Variants in SAMD4B observed in about 807,000 individuals in gnomAD.
The protein encoded by SAMD4B is protein Smaug homolog 2.
In SAMD4B, 5 loss-of-function variants were observed where a neutral mutation model predicts 74.5. The observed-to-expected ratio is 0.07, with a 90% CI of 0.04 to 0.14. SAMD4B has a LOEUF of 0.14. SAMD4B is among the 10% of genes least tolerant of loss of function. The pLI, the probability that SAMD4B is intolerant of heterozygous loss-of-function variation, is 1.00. For synonymous variants in SAMD4B, 373 were observed against 374.9 expected (o/e 1.00, Z 0.06); for missense variants, 608 against 921.8 (o/e 0.66, Z 4.41).
At chr19:39,354,562 A>C (rs532924653) in intron 2 of SAMD4B, among the ~76,000 whole-genome samples, 3 of 151,682 alleles carry the variant, frequency 2.0e-5, no homozygotes, top group South Asian at 2.1e-4. Context: ...TGTTGTAGGC[A>C]CTGGCTGACT....
At position 39,356,812 on chromosome 19, in the gene SAMD4B, A is replaced by G; in HGVS notation, c.-82A>G. On this transcript the variant is annotated 5_prime_UTR_variant, in exon 3 of 14. Coordinates refer to ENST00000610417, the MANE Select transcript of SAMD4B (RefSeq NM_001384574.2). ...AGCCCTGGCCCTCAGGGGAAAGGTA[A>G]CAGGAGGCCAGAGCCGGGACCATGT... 1.6e-6 allele frequency: 2 copies of G among 1,225,586 alleles called. No homozygotes were observed. Among genetic ancestry groups the G allele is most frequent in the Non-Finnish European group, 2.3e-6 (2 of 888,192 alleles). The allele number at this position is 1,225,586 out of a possible 1,614,324, so 75.9% of individuals were successfully genotyped here. A position where few individuals can be genotyped will look rare whatever the true frequency, so the allele number is the denominator to read the frequency against.
At chr19:39,389,652 T>G, downstream of SAMD4B, 1 of 1,614,140 alleles carries the variant, frequency 6.2e-7, no homozygotes, top group Non-Finnish European at 8.5e-7. The surrounding 1 kb of genome is among the most constrained non-coding windows in gnomAD (Gnocchi z 5.3). Flanking sequence ...TTGGGGTCGA[T>G]GCGGTAGGTG....
At chr19:39,343,306 C>A (rs1418675105) in intron 1 of SAMD4B, among the ~76,000 whole-genome samples, 1 of 151,198 alleles carries the variant, frequency 6.6e-6, no homozygotes, top group East Asian at 1.9e-4. Context: ...GCTCATACCC[C>A]CTGCATTTCT....
At chr19:39,390,684 G>A (rs1464955003), downstream of SAMD4B, 2 of 956,950 alleles carry the variant, frequency 2.1e-6, no homozygotes, top group East Asian at 5.2e-5. Context: ...CTGAATCTCA[G>A]AAGGAACCCG....
At chr19:39,347,909 T>C (rs2075797002) in intron 1 of SAMD4B, among the ~76,000 whole-genome samples, 1 of 152,112 alleles carries the variant, frequency 6.6e-6, no homozygotes, top group Non-Finnish European at 1.5e-5. Context: ...CTGAAATTCA[T>C]GGAATTTATA....
In SAMD4B at chr19:39,383,748, G is replaced by A. The variant is rs1000655322; in HGVS notation, c.*221G>A. The stretch of plus-strand genomic sequence containing the variant: ...TCTGCTGAGGCCCGGGGAGTTGGGG[G>A]CAGCCAGGATAAAGGGGGCAGGGAC... On this transcript the variant is annotated 3_prime_UTR_variant, in exon 14 of 14. Transcript: ENST00000610417. This position sits in a 1 kb window ranked among gnomAD's most constrained non-coding sequence, Gnocchi z 4.1. 1.4e-5 allele frequency: 22 copies of A among 1,525,080 alleles called. No individual in the cohort carries two copies. In the African/African-American group the frequency reaches 2.7e-4, roughly 19 times the overall value. 94.5% of individuals were successfully genotyped at this position (1,525,080 alleles called of 1,614,324 possible). A position where few individuals can be genotyped will look rare whatever the true frequency, so the allele number is the denominator to read the frequency against.
chr19:39,354,612 G>C (rs2076239654), intron 2 of SAMD4B, among the ~76,000 whole-genome samples: 2 of 151,860 alleles, frequency 1.3e-5, no homozygotes, highest in South Asian at 4.1e-4. Flanking sequence ...AAACAAATAA[G>C]ATGATACCTG....
chr19:39,386,720 T>G (rs1267303867), downstream of SAMD4B: 1 of 1,613,992 alleles, frequency 6.2e-7, no homozygotes, highest in South Asian at 1.1e-5. This position sits in a 1 kb window ranked among gnomAD's most constrained non-coding sequence, Gnocchi z 6.1. Flanking sequence ...TTCTCATTCA[T>G]GTCCCGATGT....
intron 3 of SAMD4B, among the ~76,000 whole-genome samples, chr19:39,361,089 C>CT (rs2076618412): frequency 1.3e-5 from 2 of 152,178 alleles, no homozygotes; most frequent in South Asian, 4.1e-4. Flanking sequence ...TGTTCTGGTA[C>CT]TTTCCAGGTA....
At chr19:39,389,892 G>T, downstream of SAMD4B, 1 of 1,316,674 alleles carries the variant, frequency 7.6e-7, no homozygotes, top group Non-Finnish European at 1.1e-6. The surrounding 1 kb of genome is among the most constrained non-coding windows in gnomAD (Gnocchi z 5.3). Flanking sequence ...TCTGAAAGCT[G>T]GCTCCCCAGT....
intron 3 of SAMD4B, among the ~76,000 whole-genome samples, chr19:39,364,715 C>A (rs1341880698): frequency 6.6e-6 from 1 of 152,146 alleles, no homozygotes; most frequent in South Asian, 2.1e-4. Context: ...GTTGGGAGGG[C>A]AGGAAAGACA....
At chr19:39,352,978 C>T (rs2076137954) in intron 1 of SAMD4B, among the ~76,000 whole-genome samples, 1 of 152,204 alleles carries the variant, frequency 6.6e-6, no homozygotes, top group South Asian at 2.1e-4. Flanking sequence ...ATCCCTCCCA[C>T]TCCCGAGGGA....
At chr19:39,390,122 G>A (rs1268987648), downstream of SAMD4B, 2 of 1,614,018 alleles carry the variant, frequency 1.2e-6, no homozygotes, top group African/African-American at 1.3e-5. Flanking sequence ...GGATATCAGG[G>A]AGGCTATTGC....
rs1452980288 is a variant in SAMD4B at position 39,352,366 on chromosome 19, G to T, written c.-266-1640G>T. 3 of 152,090 alleles carry T rather than the reference G, an allele frequency of 2.0e-5. No individual in the cohort carries two copies. The East Asian group carries it at 5.8e-4, about 29-fold the overall frequency. 9.4% of individuals were successfully genotyped at this position (152,090 alleles called of 1,614,324 possible). ...TCTAGTTTGTGCTCTTCTGTTCCAA[G>T]GACCACAGGTATGTCTTCTTCTGTG... On this transcript the variant is annotated intron_variant, in intron 1 of 13. Transcript: ENST00000610417.
At chr19:39,390,369 A>C, downstream of SAMD4B, 2 of 1,334,348 alleles carry the variant, frequency 1.5e-6, no homozygotes, top group Admixed American at 2.1e-5. Context: ...CCAACCTTTC[A>C]AAAGGTAGGA....
In SAMD4B at chr19:39,383,857, A is replaced by T; in HGVS notation, c.*330A>T. Reference sequence around the variant, plus strand: ...CCCTGCCTCCTCCAGACCGCTGACCACCTGCCTCTCCCCAAGGGAGCAGAC... The same window carrying T: ...CCCTGCCTCCTCCAGACCGCTGACCTCCTGCCTCTCCCCAAGGGAGCAGAC... On this transcript the variant is annotated 3_prime_UTR_variant, in exon 14 of 14. Coordinates refer to ENST00000610417, the MANE Select transcript of SAMD4B (RefSeq NM_001384574.2). This position sits in a 1 kb window ranked among gnomAD's most constrained non-coding sequence, Gnocchi z 4.1. 2.7e-6 allele frequency: 2 copies of T among 735,922 alleles called. No individual in the cohort carries two copies. Among genetic ancestry groups the T allele is most frequent in the Non-Finnish European group, 4.4e-6 (2 of 452,710 alleles). The allele number at this position is 735,922 out of a possible 1,614,324, so 45.6% of individuals were successfully genotyped here.
chr19:39,386,459 G>A (rs747267949), downstream of SAMD4B: 8 of 1,614,170 alleles, frequency 5.0e-6, no homozygotes, highest in South Asian at 1.1e-5. This position sits in a 1 kb window ranked among gnomAD's most constrained non-coding sequence, Gnocchi z 6.1. Context: ...AGGGCTCCCA[G>A]AGTCTGGCCT....
intron 4 of SAMD4B, among the ~76,000 whole-genome samples, 186 bp downstream of exon 4, chr19:39,370,311 ATTGAACCCATAC>A (rs1365756445): frequency 6.6e-6 from 1 of 152,196 alleles, no homozygotes; most frequent in Admixed American, 6.5e-5. Flanking sequence ...GACATGTCTT[ATTGAACCCATAC>A]TTTGGTTTGG....
intron 3 of SAMD4B, among the ~76,000 whole-genome samples, chr19:39,366,619 G>T (rs551406839): frequency 6.6e-6 from 1 of 152,298 alleles, no homozygotes; most frequent in Admixed American, 6.5e-5. Flanking sequence ...AGCAGAATTA[G>T]GAGTGTATGT....
Sources: allele counts gnomAD v4.1 joint callset (sites outside exome capture counted in the v4.1 genomes callset), GRCh38; gene constraint gnomAD v4.1.1; non-coding constraint Gnocchi (gnomAD v3.1); transcripts MANE v1.5; gene names NCBI Gene and HGNC (gene_info 2026-07-23, HGNC 2026-07-21).